The following ANKRD45 variants were observed in gnomAD, a reference collection of about 807,000 sequenced individuals.
The protein encoded by ANKRD45 is ankyrin repeat domain 45, also known as ankyrin repeat domain-containing protein 45.
In ANKRD45, 21 loss-of-function variants were observed where a neutral mutation model predicts 28.1. The ratio of observed to expected loss-of-function variants is 0.75; its 90% confidence interval spans 0.53 to 1.08. ANKRD45 has a LOEUF of 1.08. Ranked by LOEUF, ANKRD45 falls within the 50% of genes least tolerant of loss-of-function variation. The pLI, the probability that ANKRD45 is intolerant of heterozygous loss-of-function variation, is 0.00. For missense variants in ANKRD45, 261 were observed against 308.7 expected (o/e 0.85, Z 1.16); for synonymous variants, 86 against 103.9 (o/e 0.83, Z 1.05).
chr1:173,610,376 C>T (rs1667091789), intron 5 of ANKRD45, among the ~76,000 whole-genome samples, 161 bp from the exon 6 acceptor site: 1 of 152,206 alleles, frequency 6.6e-6, no homozygotes, highest in Admixed American at 6.5e-5. Context: ...TTCAAATAGT[C>T]TCTCCTGTTC....
At chr1:173,621,718 G>T (rs1272795360) in intron 5 of ANKRD45, among the ~76,000 whole-genome samples, 1 of 152,048 alleles carries the variant, frequency 6.6e-6, no homozygotes, top group Non-Finnish European at 1.5e-5. Context: ...AGGACAAAAA[G>T]TGGAAGCATT....
At chr1:173,659,898 T>TA (rs1669705390) in intron 1 of ANKRD45, among the ~76,000 whole-genome samples, 2 of 152,186 alleles carry the variant, frequency 1.3e-5, no homozygotes, top group South Asian at 4.1e-4. Context: ...AAGCACTGTG[T>TA]AAATTGTGAA....
chr1:173,610,003 C>A lies in ANKRD45; in HGVS notation c.*142G>T, dbSNP rs927432239. ...AGAGTCCGGACATAAGCATGCTGAA[C>A]AGGTCAAACAAAACAAGGGCGATGT... On this transcript the variant is annotated 3_prime_UTR_variant, in exon 6 of 6. Transcript: ENST00000333279. 1.2e-6 allele frequency: 1 copy of A among 818,922 alleles called. No homozygotes were observed. The highest frequency in any genetic ancestry group is 1.7e-5 in the South Asian group (1 of 58,160). The allele number at this position is 818,922 out of a possible 1,614,324, so 50.7% of individuals were successfully genotyped here.
At chr1:173,663,976 A>G (rs1484536011) in intron 1 of ANKRD45, among the ~76,000 whole-genome samples, 1 of 152,174 alleles carries the variant, frequency 6.6e-6, no homozygotes. Context: ...GTTTCTCTTT[A>G]CTACAGGTAA....
intron 1 of ANKRD45, among the ~76,000 whole-genome samples, chr1:173,664,345 A>C (rs981360923): frequency 1.3e-5 from 2 of 152,222 alleles, no homozygotes; most frequent in African/African-American, 4.8e-5. Context: ...CTTTTGAAAC[A>C]TTTCTGCTAA....
intron 2 of ANKRD45, among the ~76,000 whole-genome samples, chr1:173,656,155 C>T (rs10912658): frequency 0.18 from 27,169 of 152,164 alleles, 8,083 homozygotes; most frequent in African/African-American, 0.62. Context: ...GTACCTCAGT[C>T]GGAAATGCAG....
chr1:173,647,550 C>T (rs930791285), intron 2 of ANKRD45, among the ~76,000 whole-genome samples: 6 of 152,104 alleles, frequency 3.9e-5, no homozygotes, highest in Non-Finnish European at 8.8e-5. Context: ...TCTCAAGTGA[C>T]TATCATGAGG....
chr1:173,703,911 A>C, the ANKRD45 span, among the ~76,000 whole-genome samples: 2 of 152,252 alleles, frequency 1.3e-5, no homozygotes, highest in African/African-American at 2.4e-5. Flanking sequence ...TCTAGCCTCC[A>C]GAACTGCAAG....
the ANKRD45 span, among the ~76,000 whole-genome samples, chr1:173,703,033 T>C: frequency 1.3e-5 from 2 of 151,880 alleles, no homozygotes; most frequent in Non-Finnish European, 2.9e-5. Context: ...TCTGTGTCCA[T>C]TCTTCTTATT....
At chr1:173,698,284 T>C in the ANKRD45 span, among the ~76,000 whole-genome samples, 1 of 152,138 alleles carries the variant, frequency 6.6e-6, no homozygotes, top group South Asian at 2.1e-4. Flanking sequence ...GACACAAGGA[T>C]ATCCAGGACT....
chr1:173,630,761 A>T (rs1322611778), intron 3 of ANKRD45, among the ~76,000 whole-genome samples: 2 of 140,466 alleles, frequency 1.4e-5, no homozygotes, highest in African/African-American at 5.3e-5. Flanking sequence ...CAGAGGTTGC[A>T]GTGAGCCAAG....
chr1:173,698,886 T>C, the ANKRD45 span, among the ~76,000 whole-genome samples: 1 of 147,106 alleles, frequency 6.8e-6, no homozygotes, highest in Admixed American at 6.8e-5. Flanking sequence ...CCAGGAGCTG[T>C]TTTTTTTTTA....
chr1:173,613,148 G>A (rs1211862293), intron 5 of ANKRD45, among the ~76,000 whole-genome samples: 1 of 151,844 alleles, frequency 6.6e-6, no homozygotes, highest in Admixed American at 6.6e-5. Flanking sequence ...GAAGTGAGGA[G>A]CGTCTCTGCC....
intron 5 of ANKRD45, among the ~76,000 whole-genome samples, chr1:173,611,939 A>T (rs185846850): frequency 6.6e-6 from 1 of 152,296 alleles, no homozygotes; most frequent in East Asian, 1.9e-4. Context: ...AAATAAAAAG[A>T]CAATCCAATC....
chr1:173,695,189 CTTTTTT>C, the ANKRD45 span, among the ~76,000 whole-genome samples: 2 of 151,952 alleles, frequency 1.3e-5, no homozygotes, highest in Admixed American at 1.3e-4. Context: ...TAAATGCTTT[CTTTTTT>C]AAGTATATTT....
chr1:173,615,300 G>A lies in ANKRD45; in HGVS notation c.731-5085C>T, dbSNP rs184325538. Reference sequence around the variant, plus strand: ...CTCGGGAGGCTGAGGCAGGAGAATCGCTTGAACCAGGGAGTCAGAAGTTGC... The same window carrying A: ...CTCGGGAGGCTGAGGCAGGAGAATCACTTGAACCAGGGAGTCAGAAGTTGC... On this transcript the variant is annotated intron_variant, in intron 5 of 5. Coordinates refer to ENST00000333279, the MANE Select transcript of ANKRD45 (RefSeq NM_198493.3). Among the ~76,000 whole-genome samples the A allele has an allele frequency of 7.1e-4, 107 of 150,244 alleles. 1 individual carries two copies. The East Asian group carries it at 0.01, about 15-fold the overall frequency.
chr1:173,714,454 T>C, the ANKRD45 span, among the ~76,000 whole-genome samples: 1 of 152,168 alleles, frequency 6.6e-6, no homozygotes, highest in African/African-American at 2.4e-5. Flanking sequence ...CCTTAGAGCC[T>C]GGATAAAATC....
chr1:173,682,684 T>TACACACACACACACACAC, the ANKRD45 span, among the ~76,000 whole-genome samples: 695 of 143,990 alleles, frequency 4.8e-3, 6 homozygotes, highest in African/African-American at 0.016. Context: ...GCCTTTTAAA[T>TACACACACACACACACAC]ACACACACAC....
the ANKRD45 span, among the ~76,000 whole-genome samples, chr1:173,699,756 G>T: frequency 6.6e-6 from 1 of 152,066 alleles, no homozygotes; most frequent in East Asian, 1.9e-4. Context: ...TTTGAAAACT[G>T]GCATAAGACA....
Sources: gnomAD v4.1 joint callset for allele counts (sites outside exome capture counted in the v4.1 genomes callset) on GRCh38, gnomAD v4.1.1 for gene constraint, MANE v1.5 for transcripts, NCBI Gene and HGNC (gene_info 2026-07-23, HGNC 2026-07-21) for gene names.